PAPLN: variants seen among roughly 807,000 people sequenced by gnomAD.
PAPLN encodes the protein papilin, proteoglycan like sulfated glycoprotein.
In PAPLN, 146 loss-of-function variants were observed where a neutral mutation model predicts 159.0. That is an observed-to-expected ratio of 0.92 (90% CI 0.80 to 1.05). The LOEUF (loss-of-function observed/expected upper bound fraction) is 1.05, where lower values mean the gene tolerates loss of function less well. Ranked by LOEUF, PAPLN falls within the 50% of genes least tolerant of loss-of-function variation. PAPLN has a pLI of 0.00. For synonymous variants in PAPLN, 734 were observed against 702.9 expected (o/e 1.04, Z -0.70); for missense variants, 1,720 against 1,743.9 (o/e 0.99, Z 0.24).
At chr14:73,259,635 G>T in intron 16 of PAPLN, 90 bp downstream of exon 16, 1 of 1,387,268 alleles carries the variant, frequency 7.2e-7, no homozygotes, top group Non-Finnish European at 9.4e-7. Flanking sequence ...TCAGAAGAGG[G>T]CTGGGGTGGG....
intron 6 of PAPLN, 41 bp downstream of exon 6, chr14:73,250,155 G>T: frequency 6.4e-7 from 1 of 1,557,686 alleles, no homozygotes; most frequent in South Asian, 1.2e-5. Flanking sequence ...CGGGCTGCCT[G>T]GGGGCTCAGT....
chr14:73,245,759 C>A lies in PAPLN; in HGVS notation c.231+63C>A. On this transcript the variant is annotated intron_variant, in intron 4 of 26. Transcript: ENST00000644200. The surrounding 1 kb of genome is among the most constrained non-coding windows in gnomAD (Gnocchi z 4.2). Reference sequence around the variant, plus strand: ...CCCAGCCCCTCCTGGCCGATTTCCCCATTGGGATGCCCGCTCCTGGCCGCG... The same window carrying A: ...CCCAGCCCCTCCTGGCCGATTTCCCAATTGGGATGCCCGCTCCTGGCCGCG... 1 of 1,520,414 alleles carries A rather than the reference C, an allele frequency of 6.6e-7. No homozygotes were observed. The highest frequency in any genetic ancestry group is 1.2e-5 in the South Asian group (1 of 83,004). 94.2% of individuals were successfully genotyped at this position (1,520,414 alleles called of 1,614,324 possible). A position where few individuals can be genotyped will look rare whatever the true frequency, so the allele number is the denominator to read the frequency against.
intron 19 of PAPLN, chr14:73,263,321 G>T: frequency 2.1e-6 from 1 of 469,430 alleles, no homozygotes; most frequent in Non-Finnish European, 3.8e-6. Flanking sequence ...CACATGGGTC[G>T]AGCGTGTAGT....
Position 73,251,808 on chromosome 14 carries a change from G to A in PAPLN, c.815G>A (p.Gly272Asp), listed in dbSNP as rs755092648. ...GCCCCTGAGCGACTCCATGCCCGGG[G>A]CCCCACCTCGGAGCCCCTGGTCATC... ...DLAPERLHAR[G>D]PTSEPLVIEL... is the part of the protein sequence containing the mutation. Residue 272 changes from glycine (G) to aspartate (D), a missense_variant, in exon 9 of 27, where the codon GGC becomes GAC. Transcript: ENST00000644200. 6.2e-7 allele frequency: 1 copy of A among 1,600,042 alleles called. No individual in the cohort carries two copies. The highest frequency in any genetic ancestry group is 2.2e-5 in the East Asian group (1 of 44,788).
rs935034997 is a variant in PAPLN, at chr14:73,252,113, G to C, written c.939G>C (p.Trp313Cys). Residue 313 changes from tryptophan (W) to cysteine (C), a missense_variant, in exon 10 of 27, where the codon TGG becomes TGC. Physicochemically the swap from Trp to Cys is radical, Grantham distance 215 (BLOSUM62 -2). Coordinates refer to ENST00000644200, the MANE Select transcript of PAPLN (RefSeq NM_001365906.3). ...SPGFSWSHGS[W>C]SDCSAECGGG... is the part of the protein sequence containing the mutation. ...GCTTCAGCTGGAGCCACGGCTCATG[G>C]AGTGACTGCAGCGCGGAGTGTGGCG... 3 of 1,609,500 alleles carry C rather than the reference G, an allele frequency of 1.9e-6. No homozygotes were observed. The highest frequency in any genetic ancestry group is 2.7e-5 in the African/African-American group (2 of 74,840).
chr14:73,245,786 G>C lies in PAPLN; in HGVS notation c.231+90G>C. 6.7e-7 allele frequency: 1 copy of C among 1,488,622 alleles called. No homozygotes were observed. The highest frequency in any genetic ancestry group is 9.0e-7 in the Non-Finnish European group (1 of 1,112,208). The allele number at this position is 1,488,622 out of a possible 1,614,324, so 92.2% of individuals were successfully genotyped here. ...TTGGGATGCCCGCTCCTGGCCGCGG[G>C]CTGCTGGGTTGGCCCAGCCTGGGGT... On this transcript the variant is annotated intron_variant, in intron 4 of 26. Coordinates refer to ENST00000644200, the MANE Select transcript of PAPLN (RefSeq NM_001365906.3). The surrounding 1 kb of genome is among the most constrained non-coding windows in gnomAD (Gnocchi z 4.2).
rs149967580 is a variant in PAPLN at position 73,254,919 on chromosome 14, A to G, written c.1528A>G (p.Ile510Val). Residue 510 changes from isoleucine (I) to valine (V), a missense_variant, in exon 14 of 27, where the codon ATC (isoleucine) becomes GTC (valine). Transcript: ENST00000644200. ...CSSGTRRRQV[I>V]CAIGPPSHCG... ...CTCGGGCACTCGGAGGCGACAGGTC[A>G]TCTGTGCCATTGGGCCGCCCAGCCA... The G allele has an allele frequency of 1.2e-4, 186 of 1,613,304 alleles. No individual in the cohort carries two copies. The Middle Eastern group carries it at 1.5e-3, about 13-fold the overall frequency.
At chr14:73,270,482 C>T (rs1887622379) in intron 26 of PAPLN, among the ~76,000 whole-genome samples, 2 of 152,218 alleles carry the variant, frequency 1.3e-5, no homozygotes, top group African/African-American at 4.8e-5. Context: ...CACTCAGATA[C>T]ATGGTGACTA....
At chr14:73,250,250 C>G in intron 6 of PAPLN, 136 bp downstream of exon 6, 1 of 1,222,582 alleles carries the variant, frequency 8.2e-7, no homozygotes, top group Non-Finnish European at 1.1e-6. Context: ...ACACCAAGCC[C>G]AGCTCCTAGG....
chr14:73,271,549 T>G (rs1887723180), intron 26 of PAPLN, among the ~76,000 whole-genome samples: 1 of 151,970 alleles, frequency 6.6e-6, no homozygotes, highest in East Asian at 1.9e-4. Flanking sequence ...TCACCCAGGC[T>G]GGAGTGCAGT....
intron 16 of PAPLN, 99 bp from the exon 17 acceptor site, chr14:73,260,610 T>G: frequency 3.8e-6 from 5 of 1,330,486 alleles, no homozygotes; most frequent in Non-Finnish European, 4.8e-6. Context: ...GTCCCCACCC[T>G]GTCAGCCCCC....
chr14:73,271,209 T>C (rs1282240318), intron 26 of PAPLN, among the ~76,000 whole-genome samples: 1 of 152,178 alleles, frequency 6.6e-6, no homozygotes, highest in Non-Finnish European at 1.5e-5. Context: ...CTGTACCAGC[T>C]CAGAGTTGAT....
At position 73,250,976 on chromosome 14, in the gene PAPLN, G is replaced by T. The variant is rs749159837; in HGVS notation, c.535G>T (p.Gly179Cys). The T allele has an allele frequency of 1.2e-6, 2 of 1,613,550 alleles. No homozygotes were observed. The highest frequency in any genetic ancestry group is 1.3e-5 in the African/African-American group (1 of 74,934). Reference sequence around the variant, plus strand: ...CAAGTGTCTGCGGTGTGGGGGTGACGGCACGACCTGCTACCCCGTCGCAGG... The same window carrying T: ...CAAGTGTCTGCGGTGTGGGGGTGACTGCACGACCTGCTACCCCGTCGCAGG... ...EDKCLRCGGD[G>C]TTCYPVAGTF... is the part of the protein sequence containing the mutation. Residue 179 changes from glycine (G) to cysteine (C), a missense_variant, in exon 7 of 27, where the codon GGC (glycine) becomes TGC (cysteine). Coordinates refer to ENST00000644200, the MANE Select transcript of PAPLN (RefSeq NM_001365906.3).
At chr14:73,252,193 C>A in intron 10 of PAPLN, 52 bp downstream of exon 10, 2 of 1,518,644 alleles carry the variant, frequency 1.3e-6, no homozygotes, top group Non-Finnish European at 1.8e-6. Flanking sequence ...TGCTGGATCC[C>A]ACGGCCACAG....
At chr14:73,260,651 G>A in intron 16 of PAPLN, 58 bp from the exon 17 acceptor site, 1 of 1,387,486 alleles carries the variant, frequency 7.2e-7, no homozygotes, top group Non-Finnish European at 9.4e-7. Flanking sequence ...CTGGGTCCTG[G>A]GATGCAGGGA....
At chr14:73,246,614 CT>C (rs981166840) in intron 5 of PAPLN, among the ~76,000 whole-genome samples, 1 of 147,532 alleles carries the variant, frequency 6.8e-6, no homozygotes, top group African/African-American at 2.5e-5. Context: ...CTTTCCTTTC[CT>C]TTTTTTCTTT....
intron 15 of PAPLN, 74 bp from the exon 16 acceptor site, chr14:73,259,195 G>A (rs1029881539): frequency 6.6e-7 from 1 of 1,522,706 alleles, no homozygotes; most frequent in Non-Finnish European, 8.8e-7. Flanking sequence ...GGAGGAAGGT[G>A]GGTCCAACGT....
chr14:73,252,643 G>A lies in PAPLN; in HGVS notation c.968-6G>A, dbSNP rs1341769419. 5 of 1,611,934 alleles carry A rather than the reference G, an allele frequency of 3.1e-6. No homozygotes were observed. In the Middle Eastern group the frequency reaches 6.6e-4, roughly 213 times the overall value. On this transcript the variant is annotated splice_region_variant and splice_polypyrimidine_tract_variant and intron_variant, in intron 10 of 26. Transcript: ENST00000644200. ...GTCTGCCCGCCATGGCTGGGCCTCT[G>A]CGCAGGTCACCAGTCCCGCCTGGTG...
At position 73,266,801 on chromosome 14, in the gene PAPLN, C is replaced by A. The variant is rs776573213; in HGVS notation, c.3470C>A (p.Ala1157Glu). The A allele has an allele frequency of 1.2e-6, 2 of 1,613,526 alleles. No individual in the cohort carries two copies. The highest frequency in any genetic ancestry group is 1.7e-6 in the Non-Finnish European group (2 of 1,179,720). ...ACGGCCAGGCTATTGTGTGTGGTAG[C>A]AGGAGAAAGTGTGAACATCAGGTGG... ...GDTARLLCVV[A>E]GESVNIRWSR... The change falls in exon 25 of 27, where the codon GCA (alanine) becomes GAA (glutamate). Residue 1157 changes from alanine to glutamate, a missense_variant. Ala to Glu is a moderately radical substitution (Grantham distance 107, BLOSUM62 -1). Coordinates refer to ENST00000644200, the MANE Select transcript of PAPLN (RefSeq NM_001365906.3).
Sources: allele counts gnomAD v4.1 joint callset (sites outside exome capture counted in the v4.1 genomes callset), GRCh38; gene constraint gnomAD v4.1.1; non-coding constraint Gnocchi (gnomAD v3.1); transcripts MANE v1.5; gene names NCBI Gene and HGNC (gene_info 2026-07-23, HGNC 2026-07-21).